The following BLM variants were observed in gnomAD, a reference collection of about 807,000 sequenced individuals.
BLM encodes the protein BLM RecQ like helicase.
BLM carries 95 observed loss-of-function variants against 135.3 expected under a neutral mutation model. The observed-to-expected ratio is 0.70, with a 90% confidence interval of 0.59 to 0.83. The LOEUF is 0.83. Ranked by LOEUF, BLM falls within the 40% of genes least tolerant of loss-of-function variation. The pLI is 0.00. For synonymous variants in BLM, 520 were observed against 589.2 expected, an observed-to-expected ratio of 0.88 and a Z score of 1.70; for missense variants, 1,518 against 1,663.9, an observed-to-expected ratio of 0.91 and a Z score of 1.53.
At chr15:90,729,971 A>G (rs1895023476) in intron 1 of BLM, among the ~76,000 whole-genome samples, 1 of 151,808 alleles carries the variant, frequency 6.6e-6, no homozygotes, top group African/African-American at 2.4e-5. Flanking sequence ...TCAACCTCCC[A>G]AGTAGCTGGG....
At chr15:90,789,987 G>GTTTTTTTTTTTT (rs61059865) in intron 14 of BLM, among the ~76,000 whole-genome samples, 3 of 57,378 alleles carry the variant, frequency 5.2e-5, no homozygotes, top group Admixed American at 2.4e-4. Context: ...AGTCCCTGGT[G>GTTTTTTTTTTTT]TTTTTTTTTT....
chr15:90,779,304 T>C (rs560167921), intron 12 of BLM, among the ~76,000 whole-genome samples: 1 of 146,990 alleles, frequency 6.8e-6, no homozygotes, highest in African/African-American at 2.5e-5. Context: ...CACTTGTTTT[T>C]GTCTCTCTTT....
At chr15:90,779,646 G>T (rs1013604150) in intron 12 of BLM, among the ~76,000 whole-genome samples, 1 of 152,096 alleles carries the variant, frequency 6.6e-6, no homozygotes, top group Non-Finnish European at 1.5e-5. Context: ...TCAAAGTATT[G>T]TTTAACGGTA....
intron 15 of BLM, 119 bp downstream of exon 15, chr15:90,790,963 G>A: frequency 1.0e-6 from 1 of 1,004,944 alleles, no homozygotes; most frequent in South Asian, 1.4e-5. Context: ...AAAAATAGAG[G>A]AGTTTATACA....
intron 1 of BLM, among the ~76,000 whole-genome samples, chr15:90,718,200 A>G (rs933872927): frequency 1.3e-5 from 2 of 152,160 alleles, no homozygotes; most frequent in Admixed American, 1.3e-4. Flanking sequence ...TTACCCAGAG[A>G]AGCGGATGAA....
rs1596263375 is a variant in BLM at position 90,798,303 on chromosome 15, A to T, written c.3324A>T (p.Arg1108Ser). The T allele has an allele frequency of 1.2e-6, 2 of 1,613,192 alleles. No individual in the cohort carries two copies. Among genetic ancestry groups the T allele is most frequent in the Non-Finnish European group, 1.7e-6 (2 of 1,179,556 alleles). ...RNIKHVGPSGRFTMNMLVDIF... is the reference protein window; with the variant it reads ...RNIKHVGPSGSFTMNMLVDIF... The stretch of plus-strand genomic sequence containing the variant: ...TAAAACATGTAGGTCCTTCTGGAAG[A>T]TTTACTATGAATATGCTGGTCGACA... Residue 1108 changes from arginine (R) to serine (S), a missense_variant, in exon 17 of 22, where the codon AGA (arginine) becomes AGT (serine). Around this residue, in one of 5 missense-constraint regions of BLM, gnomAD observed 626 missense variants for 681.1 expected, o/e 0.92. Coordinates refer to ENST00000355112, the MANE Select transcript of BLM (RefSeq NM_000057.4).
chr15:90,784,735 G>A (rs768941659), intron 13 of BLM, among the ~76,000 whole-genome samples, 186 bp from the exon 14 acceptor site: 22 of 151,974 alleles, frequency 1.4e-4, no homozygotes, highest in Non-Finnish European at 2.6e-4. Flanking sequence ...AGGATTAAAA[G>A]CCACATCTCA....
At chr15:90,740,842 C>T (rs1316571211) in intron 1 of BLM, among the ~76,000 whole-genome samples, 4 of 152,186 alleles carry the variant, frequency 2.6e-5, no homozygotes, top group Non-Finnish European at 5.9e-5. Context: ...TAAGATGTGC[C>T]TTTGCCCCTC....
At chr15:90,794,046 C>A in intron 15 of BLM, 121 bp from the exon 16 acceptor site, 1 of 630,634 alleles carries the variant, frequency 1.6e-6, no homozygotes, top group Non-Finnish European at 2.6e-6. Context: ...GTTGACAATG[C>A]TGTTAACAGT....
intron 16 of BLM, among the ~76,000 whole-genome samples, chr15:90,795,436 T>A (rs755857321): frequency 3.9e-5 from 6 of 151,932 alleles, no homozygotes; most frequent in Non-Finnish European, 7.4e-5. Context: ...GCCAAGATCA[T>A]GCCATTGCAC....
In BLM at chr15:90,803,317, A is replaced by C. The variant is rs28385137; in HGVS notation, c.3359-204A>C. Among the ~76,000 whole-genome samples the C allele has an allele frequency of 7.4e-3, 1,125 of 152,290 alleles. 19 individuals carry two copies. The highest frequency in any genetic ancestry group is 0.025 in the African/African-American group (1,035 of 41,562). On this transcript the variant is annotated intron_variant, in intron 17 of 21. Transcript: ENST00000355112. The stretch of plus-strand genomic sequence containing the variant: ...GTTTTTTGTCCATGTGTATTGTAAA[A>C]AGATAAGGAAAAGTACATACAACCA...
rs1249288071 is a variant in BLM at position 90,809,142 on chromosome 15, T to G, written c.3757T>G (p.Leu1253Val). ...AATTTTATGCCTTTGCACAGAATCTTTATCTTCTGATCCTGAGGTTTTGCT... is the reference window on the plus strand; with the variant it reads ...AATTTTATGCCTTTGCACAGAATCTGTATCTTCTGATCCTGAGGTTTTGCT... ...TVTLKKLAES[L>V]SSDPEVLLQI... Residue 1253 changes from leucine (L) to valine (V), a missense_variant, in exon 20 of 22, where the codon TTA becomes GTA. Physicochemically the swap from Leu to Val is conservative, Grantham distance 32. Coordinates refer to ENST00000355112, the MANE Select transcript of BLM (RefSeq NM_000057.4). 6.2e-7 allele frequency: 1 copy of G among 1,614,174 alleles called. No individual in the cohort carries two copies. The highest frequency in any genetic ancestry group is 1.7e-5 in the Admixed American group (1 of 60,028).
intron 1 of BLM, among the ~76,000 whole-genome samples, chr15:90,738,669 A>G (rs768593356): frequency 1.2e-4 from 18 of 152,370 alleles, no homozygotes; most frequent in South Asian, 8.3e-4. Flanking sequence ...ACACTTCACC[A>G]AAGAAGATAT....
chr15:90,747,569 TC>T, intron 2 of BLM, 79 bp downstream of exon 2: 1 of 898,976 alleles, frequency 1.1e-6, no homozygotes, highest in Non-Finnish European at 1.8e-6. Flanking sequence ...CTCTTTAAAC[TC>T]CCCCATTGTA....
At chr15:90,719,329 C>G (rs560742660) in intron 1 of BLM, among the ~76,000 whole-genome samples, 1 of 152,286 alleles carries the variant, frequency 6.6e-6, no homozygotes, top group South Asian at 2.1e-4. Context: ...AGGCCAGGCA[C>G]AGTGGCTCAC....
Position 90,750,002 on chromosome 15 carries a change from A to C in BLM, c.734A>C (p.Glu245Ala). ...TGCATCGATGATGGCCCCATTGCTGAAGTGCATATAAATGAAGATGCTCAG... is the reference window on the plus strand; with the variant it reads ...TGCATCGATGATGGCCCCATTGCTGCAGTGCATATAAATGAAGATGCTCAG... Reference protein sequence around the residue: ...VICIDDGPIAEVHINEDAQES... With the variant: ...VICIDDGPIAAVHINEDAQES... Residue 245 changes from glutamate (E) to alanine (A), a missense_variant, in exon 3 of 22, where the codon GAA becomes GCA. Coordinates refer to ENST00000355112, the MANE Select transcript of BLM (RefSeq NM_000057.4). 6.2e-7 allele frequency: 1 copy of C among 1,614,228 alleles called. No individual in the cohort carries two copies. The highest frequency in any genetic ancestry group is 1.1e-5 in the South Asian group (1 of 91,086).
chr15:90,804,078 C>A (rs28368997), intron 18 of BLM, 89 bp from the exon 19 acceptor site: 58 of 1,268,822 alleles, frequency 4.6e-5, no homozygotes, highest in African/African-American at 3.8e-4. Context: ...AATTGCCCCC[C>A]AAAAATGCAA....
At chr15:90,806,172 T>C (rs416222) in intron 19 of BLM, among the ~76,000 whole-genome samples, 1 of 152,184 alleles carries the variant, frequency 6.6e-6, no homozygotes, top group Non-Finnish European at 1.5e-5. Context: ...TATCTTAATA[T>C]AGTTGGCATC....
intron 19 of BLM, among the ~76,000 whole-genome samples, chr15:90,808,402 C>A (rs570906610): frequency 1.3e-5 from 2 of 152,358 alleles, no homozygotes; most frequent in South Asian, 4.1e-4. Flanking sequence ...CAGAGCCAGC[C>A]TCCAAAACTC....
Sources: gnomAD v4.1 joint callset for allele counts (sites outside exome capture counted in the v4.1 genomes callset) on GRCh38, gnomAD v4.1.1 for gene constraint, gnomAD v4.1.1 regional missense constraint, MANE v1.5 for transcripts, NCBI Gene and HGNC (gene_info 2026-07-23, HGNC 2026-07-21) for gene names.